Variants in EML6 observed in about 807,000 individuals in gnomAD.
EML6 encodes EMAP like 6.
Under a neutral mutation model 240.1 loss-of-function variants are expected in EML6, and 154 were observed. That is an observed-to-expected ratio of 0.64 (90% CI 0.56 to 0.73). The LOEUF is 0.73. Among genes scored for constraint, EML6 ranks in the 30% least tolerant of loss-of-function variants. The probability of loss-of-function intolerance (pLI) is 0.00; values close to 1 mark genes in which losing one functional copy is unlikely to be tolerated. For synonymous variants in EML6, 1,148 were observed against 899.0 expected, an observed-to-expected ratio of 1.28 and a Z score of -4.95; for missense variants, 2,964 against 2,474.6, an observed-to-expected ratio of 1.20 and a Z score of -4.20.
At chr2:54,847,751 ATCTACG>A in intron 9 of EML6, 128 bp downstream of exon 9, 1 of 902,598 alleles carries the variant, frequency 1.1e-6, no homozygotes, top group Non-Finnish European at 1.6e-6. Flanking sequence ...AATACTATAG[ATCTACG>A]ATCCCCTATC....
At chr2:54,754,838 C>G (rs1409011542) in intron 2 of EML6, among the ~76,000 whole-genome samples, 1 of 152,138 alleles carries the variant, frequency 6.6e-6, no homozygotes, top group African/African-American at 2.4e-5. Flanking sequence ...CAGAAATGTT[C>G]TATGTTTGTA....
chr2:54,756,691 A>C (rs1474372817), intron 2 of EML6, among the ~76,000 whole-genome samples: 1 of 151,978 alleles, frequency 6.6e-6, no homozygotes, highest in African/African-American at 2.4e-5. Flanking sequence ...CTTAAAAGGT[A>C]GGATTTCTAA....
intron 29 of EML6, among the ~76,000 whole-genome samples, chr2:54,949,448 G>A (rs539484242): frequency 6.6e-6 from 1 of 152,322 alleles, no homozygotes; most frequent in Admixed American, 6.5e-5. Context: ...CGAGGACGCT[G>A]TGGCTGAGGG....
chr2:54,959,247 C>T lies in EML6; in HGVS notation c.4839C>T (p.Gly1613=), dbSNP rs182241171. 654 of 1,534,922 alleles carry T rather than the reference C, an allele frequency of 4.3e-4. 1 individual carries two copies. In the African/African-American group the frequency reaches 6.8e-3, roughly 16 times the overall value. Residue 1613 remains glycine (G), a synonymous_variant, in exon 34 of 42, where the codon GGC becomes GGT. Transcript: ENST00000356458. ...TTCGGGATGGACTCATAGTGACCGG[C>T]GGAAAAGAGAGGCCGTAAGCCAAAG... is the stretch of plus-strand genomic sequence containing the variant. ...TTLRDGLIVT[G]GKERPTKEGG...
At chr2:54,928,280 G>A (rs1263468128) in intron 26 of EML6, 33 bp from the exon 27 acceptor site, 1 of 1,502,996 alleles carries the variant, frequency 6.7e-7, no homozygotes, top group African/African-American at 1.4e-5. Context: ...GAATAACAGT[G>A]GCTGGGGTAA....
chr2:54,828,664 A>C (rs1193881881), intron 6 of EML6, among the ~76,000 whole-genome samples: 2 of 152,236 alleles, frequency 1.3e-5, no homozygotes, highest in Non-Finnish European at 2.9e-5. Context: ...ATTTGTCCTC[A>C]TTCACAAAAG....
chr2:54,970,183 C>A lies in EML6; in HGVS notation c.*88C>A, dbSNP rs1286601160. The A allele has an allele frequency of 3.7e-6, 5 of 1,340,366 alleles. No individual in the cohort carries two copies. The highest frequency in any genetic ancestry group is 2.5e-5 in the East Asian group (1 of 39,934). 83.0% of individuals were successfully genotyped at this position (1,340,366 alleles called of 1,614,324 possible). A position where few individuals can be genotyped will look rare whatever the true frequency, so the allele number is the denominator to read the frequency against. ...GCTGAGGTGCCTCCTTGCCACCAGC[C>A]GTTGGGAAATGCCTACCATGCTGCC... is the stretch of plus-strand genomic sequence containing the variant. On this transcript the variant is annotated 3_prime_UTR_variant, in exon 42 of 42. Transcript: ENST00000356458.
chr2:54,743,980 G>A (rs1393063024), intron 2 of EML6, among the ~76,000 whole-genome samples: 3 of 152,076 alleles, frequency 2.0e-5, no homozygotes, highest in Admixed American at 2.0e-4. Context: ...ATGGCATTTG[G>A]GTGGCCTCTA....
chr2:54,892,174 GA>G (rs1208398840), intron 18 of EML6, among the ~76,000 whole-genome samples: 3 of 152,166 alleles, frequency 2.0e-5, no homozygotes, highest in African/African-American at 7.2e-5. Flanking sequence ...TCTCCAGCCA[GA>G]CTCTGAGTTC....
At chr2:54,786,509 G>A (rs72917514) in intron 2 of EML6, among the ~76,000 whole-genome samples, 16,965 of 152,104 alleles carry the variant, frequency 0.11, 1,875 homozygotes, top group East Asian at 0.3. Context: ...TACCGCACCC[G>A]CTACCTACCC....
intron 2 of EML6, among the ~76,000 whole-genome samples, chr2:54,746,419 G>T (rs2103678238): frequency 6.6e-6 from 1 of 152,216 alleles, no homozygotes; most frequent in East Asian, 1.9e-4. Context: ...TTTTCCTTGG[G>T]TACAGGCTTG....
At chr2:54,934,542 A>G (rs947092210) in intron 28 of EML6, among the ~76,000 whole-genome samples, 2 of 151,226 alleles carry the variant, frequency 1.3e-5, no homozygotes, top group Non-Finnish European at 2.9e-5. Flanking sequence ...ACATATATAC[A>G]TATATATATA....
intron 7 of EML6, 43 bp from the exon 8 acceptor site, chr2:54,844,003 TG>T: frequency 1.4e-5 from 17 of 1,223,668 alleles, no homozygotes; most frequent in Non-Finnish European, 2.0e-5. Context: ...TGTGTGTGTG[TG>T]AATAGTGTGA....
intron 28 of EML6, among the ~76,000 whole-genome samples, chr2:54,945,691 C>T (rs1276582869): frequency 6.6e-6 from 1 of 152,232 alleles, no homozygotes; most frequent in Admixed American, 6.5e-5. Context: ...GTGTGCTCTG[C>T]TCCACCTCTT....
At chr2:54,920,219 A>C (rs111259248) in intron 26 of EML6, among the ~76,000 whole-genome samples, 2 of 152,256 alleles carry the variant, frequency 1.3e-5, no homozygotes, top group African/African-American at 4.8e-5. Flanking sequence ...GAGAATAGAA[A>C]AGACCAATGA....
At chr2:54,910,248 A>G (rs1484201116) in intron 24 of EML6, among the ~76,000 whole-genome samples, 1 of 152,252 alleles carries the variant, frequency 6.6e-6, no homozygotes, top group Admixed American at 6.5e-5. Context: ...ATACTGGAAC[A>G]TAAATACCTT....
At chr2:54,902,477 G>A (rs566654931) in intron 22 of EML6, among the ~76,000 whole-genome samples, 10 of 152,152 alleles carry the variant, frequency 6.6e-5, no homozygotes, top group Non-Finnish European at 1.5e-4. Context: ...ACTGCTCACT[G>A]CACCCTCCAC....
chr2:54,789,571 G>C (rs1276765729), intron 2 of EML6, among the ~76,000 whole-genome samples: 1 of 132,714 alleles, frequency 7.5e-6, no homozygotes. Flanking sequence ...GCTTTCCAAA[G>C]TAGACATGGG....
intron 2 of EML6, among the ~76,000 whole-genome samples, chr2:54,757,591 T>C (rs1211993503): frequency 6.6e-6 from 1 of 152,190 alleles, no homozygotes; most frequent in Admixed American, 6.5e-5. Context: ...TTTCCTCAGC[T>C]GGGCAGCCCC....
Sources: gnomAD v4.1 joint callset for allele counts (sites outside exome capture counted in the v4.1 genomes callset) on GRCh38, gnomAD v4.1.1 for gene constraint, MANE v1.5 for transcripts, NCBI Gene and HGNC (gene_info 2026-07-23, HGNC 2026-07-21) for gene names.